Variants in ERAP1 observed in about 807,000 individuals in gnomAD.
ERAP1 encodes endoplasmic reticulum aminopeptidase 1.
ERAP1 carries 86 observed loss-of-function variants against 103.7 expected under a neutral mutation model. The ratio of observed to expected loss-of-function variants is 0.83; its 90% CI spans 0.70 to 0.99. The LOEUF (loss-of-function observed/expected upper bound fraction) is 0.99. Among genes scored for constraint, ERAP1 ranks in the 50% least tolerant of loss-of-function variants. ERAP1 has a pLI of 0.00. For missense variants in ERAP1, 1,009 were observed against 1,128.4 expected (o/e 0.89, Z 1.52); for synonymous variants, 398 against 402.4 (o/e 0.99, Z 0.13).
the ERAP1 span, among the ~76,000 whole-genome samples, chr5:96,925,979 C>T: frequency 2.2e-5 from 3 of 139,212 alleles, no homozygotes; most frequent in African/African-American, 8.1e-5. Flanking sequence ...GGCGTGATCT[C>T]GGCTCACTGC....
chr5:96,774,751 CTATTTT>C lies in ERAP1; in HGVS notation c.*1639_*1644del, dbSNP rs1483843862. ...TTGGGGTGGAAATTACCAGTGATTT[CTATTTT>C]TATTAAACCATTCACTACAACAAAT... On this transcript the variant is annotated 3_prime_UTR_variant, in exon 19 of 19. Transcript: ENST00000443439. 12 of 983,692 alleles carry C rather than the reference CTATTTT, an allele frequency of 1.2e-5. No homozygotes were observed. Among genetic ancestry groups the C allele is most frequent in the African/African-American group, 1.7e-5 (1 of 57,180 alleles). The allele number at this position is 983,692 out of a possible 1,614,324, so 60.9% of individuals were successfully genotyped here.
At chr5:96,856,036 C>T in the ERAP1 span, among the ~76,000 whole-genome samples, 1 of 151,822 alleles carries the variant, frequency 6.6e-6, no homozygotes, top group African/African-American at 2.4e-5. Context: ...ATATTTTGAG[C>T]AGGCCGGACA....
chr5:96,881,589 C>A, the ERAP1 span: 1 of 431,768 alleles, frequency 2.3e-6, no homozygotes, highest in South Asian at 1.7e-5. Flanking sequence ...ATATTTTTCT[C>A]ATGCAACAAG....
the ERAP1 span, chr5:96,881,080 G>A: frequency 0.47 from 103,160 of 220,894 alleles, 24,855 homozygotes; most frequent in South Asian, 0.59. Context: ...TGTAAGCTGA[G>A]GAGAGCGAAC....
At chr5:96,817,008 G>A in the ERAP1 span, among the ~76,000 whole-genome samples, 1 of 152,180 alleles carries the variant, frequency 6.6e-6, no homozygotes, top group South Asian at 2.1e-4. Flanking sequence ...CAAAACAGAG[G>A]AACTGTATAG....
intron 2 of ERAP1, among the ~76,000 whole-genome samples, chr5:96,801,774 C>G (rs1478232176): frequency 7.0e-6 from 1 of 142,592 alleles, no homozygotes; most frequent in African/African-American, 2.6e-5. Context: ...ATTGCTTGAA[C>G]CCGGGAGGCG....
At chr5:96,883,653 GT>G in the ERAP1 span, 1 of 822,070 alleles carries the variant, frequency 1.2e-6, no homozygotes, top group South Asian at 1.9e-5. Flanking sequence ...CAAAGAGACA[GT>G]TGAGATTCAC....
chr5:96,845,472 T>G, the ERAP1 span, among the ~76,000 whole-genome samples: 3 of 152,188 alleles, frequency 2.0e-5, no homozygotes, highest in Non-Finnish European at 4.4e-5. Flanking sequence ...TGGCCTCAAG[T>G]GATCTGCCCA....
intron 8 of ERAP1, among the ~76,000 whole-genome samples, chr5:96,791,569 C>T (rs1167700250): frequency 6.6e-6 from 1 of 152,158 alleles, no homozygotes; most frequent in Non-Finnish European, 1.5e-5. Context: ...GTGGCCAAAT[C>T]CTCCTTTTTC....
the ERAP1 span, among the ~76,000 whole-genome samples, chr5:96,820,926 C>T: frequency 6.7e-6 from 1 of 150,308 alleles, no homozygotes; most frequent in Admixed American, 6.7e-5. Flanking sequence ...CAGGGTTCTC[C>T]AGAGAAATAA....
rs1441224877 is a variant in ERAP1, at chr5:96,804,080, G to A, written c.-17-137C>T. 8 of 892,054 alleles carry A rather than the reference G, an allele frequency of 9.0e-6. No homozygotes were observed. In the African/African-American group the frequency reaches 1.2e-4, roughly 13 times the overall value. 55.3% of individuals were successfully genotyped at this position (892,054 alleles called of 1,614,324 possible). On this transcript the variant is annotated intron_variant, in intron 1 of 18. Coordinates refer to ENST00000443439, the MANE Select transcript of ERAP1 (RefSeq NM_001040458.3). ...AAAAGTACTAGGTCTTTTCCTGAAA[G>A]TAAAAGGACCTTCCCTATGTTATGG...
chr5:96,877,628 TA>T, the ERAP1 span, among the ~76,000 whole-genome samples: 1 of 152,230 alleles, frequency 6.6e-6, no homozygotes, highest in South Asian at 2.1e-4. Context: ...GCTCAAAAAG[TA>T]AAAAACTTTG....
At chr5:96,910,529 G>A in the ERAP1 span, among the ~76,000 whole-genome samples, 1 of 151,386 alleles carries the variant, frequency 6.6e-6, no homozygotes, top group Non-Finnish European at 1.5e-5. Context: ...TGGGTTGTAT[G>A]AGTGAAGCTA....
the ERAP1 span, among the ~76,000 whole-genome samples, chr5:96,821,200 C>A: frequency 1.0e-5 from 1 of 99,206 alleles, no homozygotes; most frequent in African/African-American, 3.9e-5. Context: ...TGAGGCCCAG[C>A]TACATTATGG....
chr5:96,780,607 G>T, intron 17 of ERAP1, 103 bp from the exon 18 acceptor site: 7 of 913,348 alleles, frequency 7.7e-6, no homozygotes, highest in Non-Finnish European at 1.2e-5. Context: ...AAAACTGATC[G>T]GTGTGAAAAA....
the ERAP1 span, among the ~76,000 whole-genome samples, chr5:96,917,300 T>G: frequency 6.6e-6 from 1 of 152,120 alleles, no homozygotes; most frequent in South Asian, 2.1e-4. Flanking sequence ...TGTTATTTTT[T>G]GTAGAGTCAG....
chr5:96,837,890 G>A, the ERAP1 span, among the ~76,000 whole-genome samples: 1 of 152,168 alleles, frequency 6.6e-6, no homozygotes, highest in Non-Finnish European at 1.5e-5. Flanking sequence ...TTTCCCCAGA[G>A]TCCCGCCATC....
At position 96,775,718 on chromosome 5, in the gene ERAP1, A is replaced by G. The variant is rs1173639283; in HGVS notation, c.*678T>C. On this transcript the variant is annotated 3_prime_UTR_variant, in exon 19 of 19. Transcript: ENST00000443439. ...CCAGAGGTGGAGAAGGCTGTGTGGA[A>G]AAGAGGGTCCCCTCTCGGAGCTAAG... The G allele has an allele frequency of 2.5e-5, 5 of 200,854 alleles. No individual in the cohort carries two copies. The highest frequency in any genetic ancestry group is 4.4e-5 in the Non-Finnish European group (5 of 112,490). The allele number at this position is 200,854 out of a possible 1,614,324, so 12.4% of individuals were successfully genotyped here.
the ERAP1 span, among the ~76,000 whole-genome samples, chr5:96,898,510 G>A: frequency 0.54 from 79,875 of 148,474 alleles, 21,557 homozygotes; most frequent in Admixed American, 0.58. Flanking sequence ...GGGAGACCGA[G>A]GTGGGCAAAT....
Sources: allele counts gnomAD v4.1 joint callset (sites outside exome capture counted in the v4.1 genomes callset), GRCh38; gene constraint gnomAD v4.1.1; transcripts MANE v1.5; gene names NCBI Gene and HGNC (gene_info 2026-07-23, HGNC 2026-07-21).